Variants in UGT2B11 observed in about 807,000 individuals in gnomAD.
UGT2B11 encodes the protein UDP glucuronosyltransferase family 2 member B11, also known as UDP-glucuronosyltransferase 2B11.
UGT2B11 carries 49 observed loss-of-function variants against 51.7 expected under a neutral mutation model. The ratio of observed to expected loss-of-function variants is 0.95; its 90% confidence interval spans 0.75 to 1.20. The LOEUF is 1.20. Among genes scored for constraint, UGT2B11 ranks in the 50% most tolerant of loss-of-function variants. The pLI, the probability that UGT2B11 is intolerant of heterozygous loss-of-function variation, is 0.00. For missense variants in UGT2B11, 810 were observed against 622.1 expected, an observed-to-expected ratio of 1.30 and a Z score of -3.21; for synonymous variants, 273 against 209.0, an observed-to-expected ratio of 1.31 and a Z score of -2.64.
At position 69,200,334 on chromosome 4, in the gene UGT2B11, T is replaced by TTTTTTTTTAAAAG; in HGVS notation, c.*105_*106insCTTTTAAAAAAAA. ...AAAATTTTTTTTTTTTTTTTTTTTT[T>TTTTTTTTTAAAAG]GTCACAGGAAGAAAGAAATCTTGCA... On this transcript the variant is annotated 3_prime_UTR_variant, in exon 6 of 6. Transcript: ENST00000446444. The TTTTTTTTTAAAAG allele has an allele frequency of 8.3e-6, 9 of 1,086,978 alleles. No homozygotes were observed. The highest frequency in any genetic ancestry group is 3.8e-5 in the South Asian group (1 of 26,338). The allele number at this position is 1,086,978 out of a possible 1,614,324, so 67.3% of individuals were successfully genotyped here.
upstream of UGT2B11, among the ~76,000 whole-genome samples, chr4:69,219,324 C>A (rs1722354204): frequency 6.6e-6 from 1 of 151,914 alleles, no homozygotes. Context: ...GTTTAAGTTC[C>A]TTATAGATTT....
At position 69,200,311 on chromosome 4, in the gene UGT2B11, AATTTTTTTT is replaced by A. The variant is rs898549096; in HGVS notation, c.*120_*128del. ...TTTTACTTGACAAGGTAGATTTGAA[AATTTTTTTT>A]TTTTTTTTTTTTTTGTCACAGGAAG... On this transcript the variant is annotated 3_prime_UTR_variant, in exon 6 of 6. Coordinates refer to ENST00000446444, the MANE Select transcript of UGT2B11 (RefSeq NM_001073.3). The A allele has an allele frequency of 4.0e-6, 4 of 1,000,210 alleles. No individual in the cohort carries two copies. Among genetic ancestry groups the A allele is most frequent in the South Asian group, 3.2e-5 (1 of 31,494 alleles). 62.0% of individuals were successfully genotyped at this position (1,000,210 alleles called of 1,614,324 possible).
chr4:69,204,238 C>T, intron 5 of UGT2B11, 192 bp downstream of exon 5: 1 of 762,602 alleles, frequency 1.3e-6, no homozygotes, highest in Non-Finnish European at 1.9e-6. Context: ...TAACTGGTTA[C>T]TCATTAGATG....
Position 69,214,470 on chromosome 4 carries a change from C to G in UGT2B11, c.253G>C (p.Glu85Gln), listed in dbSNP as rs745833073. 12 of 1,613,120 alleles carry G rather than the reference C, an allele frequency of 7.4e-6. No homozygotes were observed. The highest frequency in any genetic ancestry group is 1.0e-5 in the Non-Finnish European group (12 of 1,179,480). ...EVYPTSLTKT[E>Q]FENIIMQQVK... ...TGTTGCATGATGATATTCTCAAATT[C>G]AGTTTTAGTTAAAGATGTAGGATAA... is the stretch of plus-strand genomic sequence containing the variant. The change falls in exon 1 of 6, where the codon GAA becomes CAA. Residue 85 changes from glutamate to glutamine, a missense_variant. By Grantham distance (29) the Glu-to-Gln change is conservative (BLOSUM62 2). Transcript: ENST00000446444.
intron 2 of UGT2B11, among the ~76,000 whole-genome samples, chr4:69,210,598 T>C (rs1315050340): frequency 6.6e-5 from 10 of 151,538 alleles, no homozygotes; most frequent in African/African-American, 1.2e-4. Flanking sequence ...TCTTGTCCTT[T>C]TACACCTCCT....
At chr4:69,203,565 A>T (rs1721741485) in intron 5 of UGT2B11, among the ~76,000 whole-genome samples, 2 of 151,808 alleles carry the variant, frequency 1.3e-5, no homozygotes, top group Admixed American at 1.3e-4. Context: ...TAGTAGCCAC[A>T]ATTGGAAACA....
At chr4:69,208,291 T>C in intron 3 of UGT2B11, 60 bp downstream of exon 3, 4 of 1,600,790 alleles carry the variant, frequency 2.5e-6, no homozygotes, top group Non-Finnish European at 3.4e-6. Flanking sequence ...TCTATGTAGA[T>C]CACAAACATT....
rs539292269 is a variant in UGT2B11, at chr4:69,208,606, AT to A, written c.871-125del. On this transcript the variant is annotated intron_variant, in intron 2 of 5. Coordinates refer to ENST00000446444, the MANE Select transcript of UGT2B11 (RefSeq NM_001073.3). The stretch of plus-strand genomic sequence containing the variant: ...TTGAGGAATTATTGGAATTAATAAT[AT>A]TTTTTAACTGAATCATTCAGTTTCT... 1.3e-3 allele frequency: 1,952 copies of A among 1,491,348 alleles called. 3 individuals are homozygous for A. The highest frequency in any genetic ancestry group is 4.1e-3 in the Middle Eastern group (16 of 3,932). 92.4% of individuals were successfully genotyped at this position (1,491,348 alleles called of 1,614,324 possible). A position where few individuals can be genotyped will look rare whatever the true frequency, so the allele number is the denominator to read the frequency against.
At position 69,214,232 on chromosome 4, in the gene UGT2B11, A is replaced by G. The variant is rs1264887298; in HGVS notation, c.491T>C (p.Leu164Pro). Residue 164 changes from leucine (L) to proline (P), a missense_variant, in exon 1 of 6, where the codon CTT becomes CCT. Coordinates refer to ENST00000446444, the MANE Select transcript of UGT2B11 (RefSeq NM_001073.3). ...GAGACTGTACACAAACCGTATGTTAAGTAGCGCAGCCAGCAGCTCACCACA... is the reference window on the plus strand; with the variant it reads ...GAGACTGTACACAAACCGTATGTTAGGTAGCGCAGCCAGCAGCTCACCACA... ...FPCGELLAAL[L>P]NIRFVYSLRF... 1 of 1,613,322 alleles carries G rather than the reference A, an allele frequency of 6.2e-7. No homozygotes were observed. Among genetic ancestry groups the G allele is most frequent in the South Asian group, 1.1e-5 (1 of 91,060 alleles).
chr4:69,211,437 T>A (rs1468800931), intron 2 of UGT2B11, among the ~76,000 whole-genome samples: 4 of 151,526 alleles, frequency 2.6e-5, no homozygotes, highest in Admixed American at 6.6e-5. Context: ...ATAACCTTGA[T>A]GTGCTGAATA....
At chr4:69,221,625 G>C in the UGT2B11 span, among the ~76,000 whole-genome samples, 1 of 152,218 alleles carries the variant, frequency 6.6e-6, no homozygotes, top group Non-Finnish European at 1.5e-5. Context: ...ATGTGAAAGA[G>C]CAAAGTCTCC....
chr4:69,211,417 G>C (rs750361937), intron 2 of UGT2B11, among the ~76,000 whole-genome samples: 4 of 151,498 alleles, frequency 2.6e-5, no homozygotes, highest in Non-Finnish European at 5.9e-5. Context: ...CTATGACTTT[G>C]CAAGAGAATA....
rs756757372 is a variant in UGT2B11 at position 69,214,006 on chromosome 4, A to T, written c.717T>A (p.Val239=). The T allele has an allele frequency of 1.5e-5, 24 of 1,562,418 alleles. No individual in the cohort carries two copies. In the Middle Eastern group the frequency reaches 1.0e-3, roughly 67 times the overall value. The change falls in exon 1 of 6, where the codon GTT becomes GTA. Residue 239 remains valine (V), a synonymous_variant. Transcript: ENST00000446444. ...ACCGATTAAACAAATTCTTACCTAA[A>T]ACTTCACTGTAAAACTGATCCCACT... is the stretch of plus-strand genomic sequence containing the variant. The part of the protein sequence containing the change: ...MKKWDQFYSE[V]LGRPTTLFET...
Position 69,214,180 on chromosome 4 carries a change from T to G in UGT2B11, c.543A>C (p.Glu181Asp), listed in dbSNP as rs772714481. 6.2e-7 allele frequency: 1 copy of G among 1,612,990 alleles called. No homozygotes were observed. Among genetic ancestry groups the G allele is most frequent in the Admixed American group, 1.7e-5 (1 of 59,906 alleles). Residue 181 changes from glutamate (E) to aspartate (D), a missense_variant, in exon 1 of 6, where the codon GAA (glutamate) becomes GAC (aspartate). Transcript: ENST00000446444. ...GGAAAATCAGTCCTCCACTGTGCCT[T>G]TCAATTGTGTAGCCAGGAGTAAAGC... The part of the protein sequence containing the change: ...SLRFTPGYTI[E>D]RHSGGLIFPP...
At chr4:69,202,023 G>A (rs1437971565) in intron 5 of UGT2B11, among the ~76,000 whole-genome samples, 1 of 151,732 alleles carries the variant, frequency 6.6e-6, no homozygotes, top group African/African-American at 2.4e-5. Context: ...GCCTGACTTC[G>A]AATAACAACA....
In UGT2B11 at chr4:69,200,163, T is replaced by A. The variant is rs1334771796; in HGVS notation, c.*277A>T. On this transcript the variant is annotated 3_prime_UTR_variant, in exon 6 of 6. Coordinates refer to ENST00000446444, the MANE Select transcript of UGT2B11 (RefSeq NM_001073.3). The stretch of plus-strand genomic sequence containing the variant: ...TTCAAACAACAAATCTCAATATAAG[T>A]GCAACAAATTTCAATATGAGCTCAA... The A allele has an allele frequency of 3.6e-6, 1 of 276,376 alleles. No homozygotes were observed. The highest frequency in any genetic ancestry group is 6.3e-6 in the Non-Finnish European group (1 of 158,200). 17.1% of individuals were successfully genotyped at this position (276,376 alleles called of 1,614,324 possible).
chr4:69,219,288 GTTGT>G (rs1182709571), upstream of UGT2B11, among the ~76,000 whole-genome samples: 1 of 152,066 alleles, frequency 6.6e-6, no homozygotes, highest in Non-Finnish European at 1.5e-5. Context: ...TTTTAATGGA[GTTGT>G]TTGTGTATGT....
At chr4:69,223,335 G>A in the UGT2B11 span, among the ~76,000 whole-genome samples, 17 of 152,034 alleles carry the variant, frequency 1.1e-4, no homozygotes, top group African/African-American at 4.1e-4. Flanking sequence ...GTTATTCCTG[G>A]GACTCATCTT....
At chr4:69,201,464 T>A (rs1222775289) in intron 5 of UGT2B11, among the ~76,000 whole-genome samples, 1 of 151,838 alleles carries the variant, frequency 6.6e-6, no homozygotes, top group African/African-American at 2.4e-5. Flanking sequence ...CTCTGTTATT[T>A]GGTCTACAGA....
Sources: allele counts gnomAD v4.1 joint callset (sites outside exome capture counted in the v4.1 genomes callset), GRCh38; gene constraint gnomAD v4.1.1; transcripts MANE v1.5; gene names NCBI Gene and HGNC (gene_info 2026-07-23, HGNC 2026-07-21).